APCDD1L: variants seen among roughly 807,000 people sequenced by gnomAD.
APCDD1L encodes the protein protein APCDD1-like.
In APCDD1L, 21 loss-of-function variants were observed where a neutral mutation model predicts 24.2. The observed-to-expected ratio is 0.87, with a 90% CI of 0.61 to 1.25. The LOEUF (loss-of-function observed/expected upper bound fraction) is 1.25. Ranked by LOEUF, APCDD1L falls within the 50% of genes most tolerant of loss-of-function variation. APCDD1L has a pLI of 0.00. For missense variants in APCDD1L, 704 were observed against 711.7 expected, an observed-to-expected ratio of 0.99 and a Z score of 0.12; for synonymous variants, 321 against 323.6, an observed-to-expected ratio of 0.99 and a Z score of 0.09.
chr20:58,482,056 CG>C (rs1203928348), intron 1 of APCDD1L, among the ~76,000 whole-genome samples: 1 of 152,158 alleles, frequency 6.6e-6, no homozygotes, highest in Non-Finnish European at 1.5e-5. Flanking sequence ...GACACATATA[CG>C]GGGGCCTTTG....
At chr20:58,480,201 T>G (rs6026297) in intron 1 of APCDD1L, among the ~76,000 whole-genome samples, 81,093 of 151,756 alleles carry the variant, frequency 0.53, 22,360 homozygotes, top group East Asian at 0.68. Context: ...ACACAGAAAT[T>G]ATATGCTCTA....
rs1351625149 is a variant in APCDD1L, at chr20:58,514,086, GA to G, written c.49+572del. 3 of 611,872 alleles carry G rather than the reference GA, an allele frequency of 4.9e-6. No homozygotes were observed. The African/African-American group carries it at 5.8e-5, about 12-fold the overall frequency. The allele number at this position is 611,872 out of a possible 1,614,324, so 37.9% of individuals were successfully genotyped here. On this transcript the variant is annotated intron_variant, in intron 1 of 3. Transcript: ENST00000371149. ...CACCAGGGAACCCCTTAGTCCTGGA[GA>G]AGGCATTGACTACTCTACCAGGGGT...
intron 1 of APCDD1L, among the ~76,000 whole-genome samples, chr20:58,484,393 A>G (rs1481470169): frequency 6.6e-6 from 1 of 152,228 alleles, no homozygotes; most frequent in Non-Finnish European, 1.5e-5. Context: ...GTCCCCTCTG[A>G]ACTTCCATCT....
In APCDD1L at chr20:58,514,668, G is replaced by C; in HGVS notation, c.40C>G (p.Leu14Val). 1 of 1,314,338 alleles carries C rather than the reference G, an allele frequency of 7.6e-7. No individual in the cohort carries two copies. The highest frequency in any genetic ancestry group is 9.8e-7 in the Non-Finnish European group (1 of 1,023,920). The allele number at this position is 1,314,338 out of a possible 1,614,324, so 81.4% of individuals were successfully genotyped here. ...GGAGGGTGGCACCTACCTCCCAAAA[G>C]CACCAGGACGCAAGCGTAGGGGAGC... ...AMLPYACVLV[L>V]LGAHTAPAAG... The change falls in exon 1 of 4, where the codon CTT becomes GTT. Residue 14 changes from leucine to valine, a missense_variant. By Grantham distance (32) the Leu-to-Val change is conservative. Coordinates refer to ENST00000371149, the MANE Select transcript of APCDD1L (RefSeq NM_153360.3).
At position 58,461,704 on chromosome 20, in the gene APCDD1L, A is replaced by G; in HGVS notation, c.742-150T>C. ...CTCTCTCTCCTCACTCCCTGCCTTC[A>G]GTCAGGACGACCTCCTTGCTTCAGC... On this transcript the variant is annotated intron_variant, in intron 3 of 3. Transcript: ENST00000371149. The surrounding 1 kb of genome is among the most constrained non-coding windows in gnomAD (Gnocchi z 6.0). The G allele has an allele frequency of 1.3e-6, 1 of 793,050 alleles. No homozygotes were observed. The highest frequency in any genetic ancestry group is 1.7e-6 in the Non-Finnish European group (1 of 577,818). The allele number at this position is 793,050 out of a possible 1,614,324, so 49.1% of individuals were successfully genotyped here.
intron 1 of APCDD1L, among the ~76,000 whole-genome samples, chr20:58,488,059 T>C (rs896964989): frequency 1.3e-5 from 2 of 152,312 alleles, no homozygotes; most frequent in East Asian, 1.9e-4. Flanking sequence ...ATGGTTTCAG[T>C]TACCTGCAGT....
intron 1 of APCDD1L, among the ~76,000 whole-genome samples, chr20:58,512,095 G>C (rs576859350): frequency 1.6e-4 from 25 of 152,326 alleles, no homozygotes; most frequent in African/African-American, 6.0e-4. Context: ...TGCAGTGGGT[G>C]ACTACCCATA....
At chr20:58,506,185 G>C (rs1451901285) in intron 1 of APCDD1L, among the ~76,000 whole-genome samples, 1 of 152,148 alleles carries the variant, frequency 6.6e-6, no homozygotes, top group African/African-American at 2.4e-5. Flanking sequence ...ACATCCCCAG[G>C]CAAAAGCAAC....
At chr20:58,472,566 G>A (rs1179614022) in intron 1 of APCDD1L, among the ~76,000 whole-genome samples, 1 of 152,220 alleles carries the variant, frequency 6.6e-6, no homozygotes, top group African/African-American at 2.4e-5. Context: ...CTGAATAAAC[G>A]AAGGTATGAG....
intron 1 of APCDD1L, among the ~76,000 whole-genome samples, chr20:58,498,263 G>T (rs987073198): frequency 6.6e-6 from 1 of 152,148 alleles, no homozygotes; most frequent in African/African-American, 2.4e-5. Flanking sequence ...CTTCAAAAGC[G>T]TCTTGCTAAA....
At chr20:58,514,410 G>A (rs1990696767) in intron 1 of APCDD1L, among the ~76,000 whole-genome samples, 1 of 152,208 alleles carries the variant, frequency 6.6e-6, no homozygotes, top group African/African-American at 2.4e-5. Context: ...GGCCCCGACT[G>A]GCGCAGAGAG....
chr20:58,514,819 G>T lies in APCDD1L; in HGVS notation c.-112C>A. On this transcript the variant is annotated 5_prime_UTR_variant, in exon 1 of 4. Coordinates refer to ENST00000371149, the MANE Select transcript of APCDD1L (RefSeq NM_153360.3). ...GCGCCGGCGGCCAGGCTGGAGTCCT[G>T]CGAAGAAGTTGCGAGGGTCCTGCGC... 1.2e-6 allele frequency: 1 copy of T among 858,942 alleles called. No individual in the cohort carries two copies. Among genetic ancestry groups the T allele is most frequent in the Non-Finnish European group, 1.6e-6 (1 of 638,384 alleles). The allele number at this position is 858,942 out of a possible 1,614,324, so 53.2% of individuals were successfully genotyped here. A position where few individuals can be genotyped will look rare whatever the true frequency, so the allele number is the denominator to read the frequency against.
chr20:58,469,249 T>G (rs1048749231), intron 2 of APCDD1L, among the ~76,000 whole-genome samples: 1 of 152,208 alleles, frequency 6.6e-6, no homozygotes, highest in Admixed American at 6.5e-5. Context: ...ATGAATATAT[T>G]TTAGTAAATA....
chr20:58,502,101 TTTTTG>T (rs1990447284), intron 1 of APCDD1L, among the ~76,000 whole-genome samples: 1 of 152,146 alleles, frequency 6.6e-6, no homozygotes, highest in African/African-American at 2.4e-5. Flanking sequence ...GTCTTGTGTT[TTTTTG>T]TTTTGTTTTG....
In APCDD1L at chr20:58,467,276, G is replaced by C. The variant is rs748124470; in HGVS notation, c.571C>G (p.Leu191Val). 1 of 1,563,988 alleles carries C rather than the reference G, an allele frequency of 6.4e-7. No homozygotes were observed. The highest frequency in any genetic ancestry group is 1.1e-5 in the South Asian group (1 of 87,026). ...ACCAGGCTGAGCTCGTGCATGGTGA[G>C]GCCCAGCGCCTCCAGGCAGTCCCCC... ...AQGDCLEALGLTMHELSLVRV... is the reference protein window; with the variant it reads ...AQGDCLEALGVTMHELSLVRV... Residue 191 changes from leucine (L) to valine (V), a missense_variant, in exon 3 of 4, where the codon CTC (leucine) becomes GTC (valine). By Grantham distance (32) the Leu-to-Val change is conservative. Coordinates refer to ENST00000371149, the MANE Select transcript of APCDD1L (RefSeq NM_153360.3). The surrounding 1 kb of genome is among the most constrained non-coding windows in gnomAD (Gnocchi z 5.9).
chr20:58,500,085 C>T (rs1054963168), intron 1 of APCDD1L, among the ~76,000 whole-genome samples: 13 of 152,192 alleles, frequency 8.5e-5, no homozygotes, highest in South Asian at 2.1e-4. Flanking sequence ...CTACACTGAA[C>T]GGCATAAGGT....
rs773859201 is a variant in APCDD1L, at chr20:58,497,373, G to C, written c.49+17286C>G. The stretch of plus-strand genomic sequence containing the variant: ...GGCCCACTAGGAGGCCCAGGGAACA[G>C]ACGCCTTGCATCGTGTCCACAGATG... On this transcript the variant is annotated intron_variant, in intron 1 of 3. Transcript: ENST00000371149. This position sits in a 1 kb window ranked among gnomAD's most constrained non-coding sequence, Gnocchi z 4.3. 6.6e-6 allele frequency among the ~76,000 whole-genome samples: 1 copy of C among 152,148 alleles called. No homozygotes were observed. Among genetic ancestry groups the C allele is most frequent in the Non-Finnish European group, 1.5e-5 (1 of 68,018 alleles).
Position 58,511,670 on chromosome 20 carries a change from G to C in APCDD1L, c.49+2989C>G, listed in dbSNP as rs541828498. 9.2e-5 allele frequency among the ~76,000 whole-genome samples: 14 copies of C among 152,136 alleles called. No homozygotes were observed. In the South Asian group the frequency reaches 2.9e-3, roughly 32 times the overall value. ...GAAGTCTCCATTGATAATTTTTTTT[G>C]TTTGTTTTAAGTAACTAATACGATT... On this transcript the variant is annotated intron_variant, in intron 1 of 3. Coordinates refer to ENST00000371149, the MANE Select transcript of APCDD1L (RefSeq NM_153360.3).
chr20:58,487,383 G>T (rs1208729812), intron 1 of APCDD1L, among the ~76,000 whole-genome samples: 1 of 145,506 alleles, frequency 6.9e-6, no homozygotes, highest in Non-Finnish European at 1.5e-5. Flanking sequence ...ATAGGAGTAA[G>T]TATAAATAAA....
Sources: allele counts gnomAD v4.1 joint callset (sites outside exome capture counted in the v4.1 genomes callset), GRCh38; gene constraint gnomAD v4.1.1; non-coding constraint Gnocchi (gnomAD v3.1); transcripts MANE v1.5; gene names NCBI Gene and HGNC (gene_info 2026-07-23, HGNC 2026-07-21).